Variants in DNAAF4 observed in about 807,000 individuals in gnomAD.
DNAAF4 encodes dynein axonemal assembly factor 4.
Under a neutral mutation model 51.8 loss-of-function variants are expected in DNAAF4, and 43 were observed. The observed-to-expected ratio is 0.83, with a 90% confidence interval of 0.65 to 1.07. The LOEUF (loss-of-function observed/expected upper bound fraction) is 1.07, where lower values mean the gene tolerates loss of function less well. Ranked by LOEUF, DNAAF4 falls within the 50% of genes least tolerant of loss-of-function variation. The pLI is 0.00. For synonymous variants in DNAAF4, 194 were observed against 165.6 expected (o/e 1.17, Z -1.32); for missense variants, 581 against 493.0 (o/e 1.18, Z -1.69).
intron 4 of DNAAF4, among the ~76,000 whole-genome samples, chr15:55,480,728 C>T (rs1361619939): frequency 6.6e-6 from 1 of 152,112 alleles, no homozygotes; most frequent in Non-Finnish European, 1.5e-5. Context: ...ATCCTATTAC[C>T]AACGCTTGTC....
intron 1 of DNAAF4, among the ~76,000 whole-genome samples, chr15:55,504,376 C>T (rs2058715518): frequency 6.6e-6 from 1 of 152,154 alleles, no homozygotes; most frequent in South Asian, 2.1e-4. Context: ...AATGCTATCC[C>T]CAACAAGCTA....
At chr15:55,460,928 C>G (rs1293789491) in intron 5 of DNAAF4, among the ~76,000 whole-genome samples, 1 of 151,956 alleles carries the variant, frequency 6.6e-6, no homozygotes, top group African/African-American at 2.4e-5. Context: ...CCACACCAGC[C>G]TAATTTTTGT....
intron 4 of DNAAF4, among the ~76,000 whole-genome samples, chr15:55,483,833 C>CATTTTTTTTT (rs1567028675): frequency 3.6e-5 from 3 of 82,504 alleles, no homozygotes; most frequent in African/African-American, 9.7e-5. Context: ...GCCAATAAAG[C>CATTTTTTTTT]TTTTTTTTTT....
intron 6 of DNAAF4, among the ~76,000 whole-genome samples, chr15:55,449,696 CTTTT>C (rs368060926): frequency 2.5e-4 from 23 of 91,742 alleles, no homozygotes; most frequent in African/African-American, 9.0e-4. Flanking sequence ...AAAAAGACCG[CTTTT>C]TTTTTTTTTT....
chr15:55,433,838 T>TTATATA (rs1458092275), intron 8 of DNAAF4, among the ~76,000 whole-genome samples: 1 of 68,752 alleles, frequency 1.5e-5, no homozygotes, highest in Non-Finnish European at 2.8e-5. Flanking sequence ...ATTACATATA[T>TTATATA]TATATATTAT....
At chr15:55,467,544 TACACAC>T (rs59329424) in intron 4 of DNAAF4, among the ~76,000 whole-genome samples, 21 of 150,292 alleles carry the variant, frequency 1.4e-4, no homozygotes, top group African/African-American at 4.9e-4. Context: ...TCTCAAAATC[TACACAC>T]ACACACACAC....
intron 5 of DNAAF4, among the ~76,000 whole-genome samples, chr15:55,451,211 A>G (rs2057927157): frequency 1.3e-5 from 2 of 152,228 alleles, no homozygotes; most frequent in Non-Finnish European, 2.9e-5. Context: ...TAATGTGATA[A>G]CAGAGGTGAT....
At chr15:55,473,240 TA>T (rs2058286208) in intron 4 of DNAAF4, among the ~76,000 whole-genome samples, 3 of 141,868 alleles carry the variant, frequency 2.1e-5, no homozygotes, top group South Asian at 4.4e-4. Context: ...TGTATATATA[TA>T]TATGTGTGTG....
chr15:55,481,625 T>C (rs1022239386), intron 4 of DNAAF4, among the ~76,000 whole-genome samples: 1 of 152,168 alleles, frequency 6.6e-6, no homozygotes, highest in Non-Finnish European at 1.5e-5. Flanking sequence ...CCCCAATATG[T>C]AGGGACTCTG....
At chr15:55,422,516 T>G (rs1189028811) in intron 7 of DNAAF4, among the ~76,000 whole-genome samples, 1 of 151,898 alleles carries the variant, frequency 6.6e-6, no homozygotes, top group Non-Finnish European at 1.5e-5. Flanking sequence ...AAGAAACAAA[T>G]GAGACCAAGA....
intron 8 of DNAAF4, 40 bp downstream of exon 8, chr15:55,434,865 T>C: frequency 7.0e-7 from 1 of 1,432,780 alleles, no homozygotes; most frequent in Non-Finnish European, 9.3e-7. Flanking sequence ...AATAGAAGGA[T>C]ATATTTAAAG....
At chr15:55,505,341 A>G (rs2058721304) in intron 1 of DNAAF4, among the ~76,000 whole-genome samples, 2 of 152,184 alleles carry the variant, frequency 1.3e-5, no homozygotes, top group African/African-American at 4.8e-5. Flanking sequence ...TAGTTCAACC[A>G]TTATGGAAGA....
chr15:55,498,948 A>G (rs377201076), intron 1 of DNAAF4, among the ~76,000 whole-genome samples: 33 of 152,000 alleles, frequency 2.2e-4, no homozygotes, highest in African/African-American at 5.8e-4. Context: ...AAGAAAGAAA[A>G]AAAAAAGCAC....
downstream of DNAAF4, among the ~76,000 whole-genome samples, chr15:55,427,100 T>G (rs975213832): frequency 6.6e-6 from 1 of 152,110 alleles, no homozygotes; most frequent in Middle Eastern, 3.2e-3. Context: ...ACAGTCTCGC[T>G]CTGTCGCCCA....
intron 1 of DNAAF4, among the ~76,000 whole-genome samples, chr15:55,501,499 C>G (rs1357482670): frequency 2.0e-5 from 3 of 151,280 alleles, no homozygotes; most frequent in African/African-American, 7.3e-5. Flanking sequence ...CCTCAGCCTC[C>G]CTAGTAGCTG....
intron 6 of DNAAF4, 66 bp from the exon 7 acceptor site, chr15:55,439,647 A>T: frequency 7.2e-7 from 1 of 1,394,816 alleles, no homozygotes; most frequent in Non-Finnish European, 9.9e-7. Context: ...TTCCTTTTAG[A>T]TTTTCCATCT....
chr15:55,491,406 C>A (rs2058569463), intron 3 of DNAAF4, 150 bp from the exon 4 acceptor site: 9 of 749,804 alleles, frequency 1.2e-5, no homozygotes, highest in Admixed American at 3.2e-5. Context: ...TTAAACTGGC[C>A]AAGAAGCTAA....
chr15:55,465,614 T>C (rs2058160252), intron 5 of DNAAF4, among the ~76,000 whole-genome samples: 1 of 150,660 alleles, frequency 6.6e-6, no homozygotes, highest in Non-Finnish European at 1.5e-5. Context: ...TTGCCCAGGC[T>C]GGAATGCAAT....
chr15:55,505,919 TA>T (rs939876116), intron 1 of DNAAF4, among the ~76,000 whole-genome samples: 2 of 152,026 alleles, frequency 1.3e-5, no homozygotes, highest in East Asian at 1.9e-4. Flanking sequence ...AGTATAATAA[TA>T]AAAAAAGTAG....
Sources: allele counts gnomAD v4.1 joint callset (sites outside exome capture counted in the v4.1 genomes callset), GRCh38; gene constraint gnomAD v4.1.1; transcripts MANE v1.5; gene names NCBI Gene and HGNC (gene_info 2026-07-23, HGNC 2026-07-21).